HSDL2: variants seen among roughly 807,000 people sequenced by gnomAD.
The protein encoded by HSDL2 is hydroxysteroid dehydrogenase like 2.
Under a neutral mutation model 46.3 loss-of-function variants are expected in HSDL2, and 27 were observed. The ratio of observed to expected loss-of-function variants is 0.58; its 90% CI spans 0.43 to 0.80. The LOEUF is 0.80. HSDL2 is among the 30% of genes least tolerant of loss of function. The pLI is 0.00. For synonymous variants in HSDL2, 153 were observed against 163.6 expected (o/e 0.94, Z 0.50); for missense variants, 451 against 502.7 (o/e 0.90, Z 0.98).
chr9:112,418,803 A>T (rs1444489907), intron 5 of HSDL2, 57 bp from the exon 6 acceptor site: 2 of 991,796 alleles, frequency 2.0e-6, no homozygotes, highest in Non-Finnish European at 2.9e-6. Flanking sequence ...TCTACTCACA[A>T]GTTAATCAAA....
intron 4 of HSDL2, among the ~76,000 whole-genome samples, chr9:112,411,654 A>G (rs10732372): frequency 0.92 from 140,829 of 152,260 alleles, 65,262 homozygotes; most frequent in African/African-American, 0.98. Context: ...CAGCTTGGGC[A>G]GCAGAGTGAG....
chr9:112,444,569 C>T (rs1004726999), intron 8 of HSDL2, among the ~76,000 whole-genome samples: 1 of 152,064 alleles, frequency 6.6e-6, no homozygotes, highest in South Asian at 2.1e-4. Context: ...AAAACTTTGT[C>T]TCTACAAAAA....
intron 9 of HSDL2, among the ~76,000 whole-genome samples, chr9:112,454,980 G>GC (rs1465509006): frequency 1.3e-5 from 2 of 152,124 alleles, no homozygotes; most frequent in African/African-American, 4.8e-5. Flanking sequence ...TGCTGAGATT[G>GC]CAGGTGTGAG....
At chr9:112,459,006 C>G (rs201141687) in intron 9 of HSDL2, among the ~76,000 whole-genome samples, 1 of 151,928 alleles carries the variant, frequency 6.6e-6, no homozygotes. Flanking sequence ...AAAAAGAAAA[C>G]AAAAAACAAA....
At chr9:112,393,363 A>T (rs775441298) in intron 1 of HSDL2, among the ~76,000 whole-genome samples, 18 of 152,246 alleles carry the variant, frequency 1.2e-4, no homozygotes, top group African/African-American at 4.1e-4. Context: ...ATATGGTGTG[A>T]TACAGAAATC....
intron 1 of HSDL2, among the ~76,000 whole-genome samples, chr9:112,384,852 C>G (rs1301627921): frequency 6.6e-6 from 1 of 151,460 alleles, no homozygotes; most frequent in Non-Finnish European, 1.5e-5. Context: ...TGGCACTAAC[C>G]TGTGGCCTTG....
At chr9:112,405,489 A>C in intron 2 of HSDL2, 135 bp from the exon 3 acceptor site, 1 of 590,530 alleles carries the variant, frequency 1.7e-6, no homozygotes, top group Non-Finnish European at 2.9e-6. Context: ...TGGTAGAGTC[A>C]CTGGTGGTAA....
At chr9:112,448,855 C>T (rs1326999756) in intron 8 of HSDL2, among the ~76,000 whole-genome samples, 1 of 152,108 alleles carries the variant, frequency 6.6e-6, no homozygotes, top group Non-Finnish European at 1.5e-5. Flanking sequence ...CACACCCAGC[C>T]TCTCTCTGTG....
Position 112,470,596 on chromosome 9 carries a change from T to C in HSDL2, c.*52T>C, listed in dbSNP as rs529426604. 113 of 955,698 alleles carry C rather than the reference T, an allele frequency of 1.2e-4. No homozygotes were observed. The highest frequency in any genetic ancestry group is 1.7e-4 in the Non-Finnish European group (106 of 622,088). The allele number at this position is 955,698 out of a possible 1,614,324, so 59.2% of individuals were successfully genotyped here. On this transcript the variant is annotated 3_prime_UTR_variant, in exon 11 of 11. Transcript: ENST00000398805. Reference sequence around the variant, plus strand: ...GCTATGCTCAAAAAGTAAAAAAAGCTCAACAGTTAAAATCTAATGTTTGTT... The same window carrying C: ...GCTATGCTCAAAAAGTAAAAAAAGCCCAACAGTTAAAATCTAATGTTTGTT...
At chr9:112,389,121 G>A (rs2132596067) in intron 1 of HSDL2, among the ~76,000 whole-genome samples, 1 of 152,068 alleles carries the variant, frequency 6.6e-6, no homozygotes, top group East Asian at 1.9e-4. Flanking sequence ...TCAACCTTTG[G>A]GATCAAACAG....
At chr9:112,396,871 G>A (rs913736368) in intron 1 of HSDL2, among the ~76,000 whole-genome samples, 1 of 152,188 alleles carries the variant, frequency 6.6e-6, no homozygotes, top group Non-Finnish European at 1.5e-5. Context: ...AGGTAAGTTT[G>A]TGTGTGCTGG....
At chr9:112,430,921 G>A (rs771957509) in intron 6 of HSDL2, among the ~76,000 whole-genome samples, 3 of 151,820 alleles carry the variant, frequency 2.0e-5, no homozygotes, top group Non-Finnish European at 4.4e-5. Context: ...GCATGGTGAC[G>A]CGTGCCTGTA....
At chr9:112,460,309 G>T (rs1216494301) in intron 10 of HSDL2, among the ~76,000 whole-genome samples, 1 of 152,170 alleles carries the variant, frequency 6.6e-6, no homozygotes, top group African/African-American at 2.4e-5. Flanking sequence ...TGTATTCTGT[G>T]CCCTCTAAGT....
chr9:112,438,052 C>A (rs1002918479), intron 6 of HSDL2, among the ~76,000 whole-genome samples: 1 of 151,956 alleles, frequency 6.6e-6, no homozygotes, highest in African/African-American at 2.4e-5. Flanking sequence ...TCGAGACCAG[C>A]CAACATGGTG....
chr9:112,427,207 G>A (rs758229424), intron 6 of HSDL2, among the ~76,000 whole-genome samples: 4 of 151,956 alleles, frequency 2.6e-5, no homozygotes, highest in African/African-American at 4.8e-5. Context: ...GGCGCCCACC[G>A]CTGTGCCCGG....
Position 112,454,104 on chromosome 9 carries a change from C to T in HSDL2, c.957C>T (p.Asp319=). Residue 319 remains aspartate (D), a synonymous_variant, in exon 9 of 11, where the codon GAC becomes GAT. Transcript: ENST00000398805. The part of the protein sequence containing the change: ...AVEETFRIVK[D]SLSDDVVKAT... ...AAGAAACATTTAGAATTGTTAAGGA[C>T]TCTCTCAGTGATGATGTTGTTAAAG... The T allele has an allele frequency of 6.2e-7, 1 of 1,613,918 alleles. No homozygotes were observed. The highest frequency in any genetic ancestry group is 8.5e-7 in the Non-Finnish European group (1 of 1,179,844).
Position 112,471,349 on chromosome 9 carries a change from A to T in HSDL2, c.*805A>T, listed in dbSNP as rs540650619. On this transcript the variant is annotated 3_prime_UTR_variant, in exon 11 of 11. Transcript: ENST00000398805. Reference sequence around the variant, plus strand: ...CTGTTCGGAGATGAGGCCTTTAAAGAGGTGACTTAAGTTCAAAGGAGGCTG... The same window carrying T: ...CTGTTCGGAGATGAGGCCTTTAAAGTGGTGACTTAAGTTCAAAGGAGGCTG... 6.6e-6 allele frequency: 1 copy of T among 152,174 alleles called. No homozygotes were observed. Among genetic ancestry groups the T allele is most frequent in the Non-Finnish European group, 1.5e-5 (1 of 68,066 alleles). The allele number at this position is 152,174 out of a possible 1,614,324, so 9.4% of individuals were successfully genotyped here. A position where few individuals can be genotyped will look rare whatever the true frequency, so the allele number is the denominator to read the frequency against.
intron 6 of HSDL2, among the ~76,000 whole-genome samples, chr9:112,436,941 CTCTT>C (rs1832536924): frequency 6.8e-6 from 1 of 147,852 alleles, no homozygotes; most frequent in South Asian, 2.2e-4. Flanking sequence ...CCTTTTACTT[CTCTT>C]TCTTTTCTTT....
intron 6 of HSDL2, among the ~76,000 whole-genome samples, chr9:112,422,217 A>G (rs1347263231): frequency 6.6e-6 from 1 of 152,296 alleles, no homozygotes; most frequent in Middle Eastern, 3.4e-3. Context: ...CAAAAAACAA[A>G]CAAACAAACG....
Sources: allele counts gnomAD v4.1 joint callset (sites outside exome capture counted in the v4.1 genomes callset), GRCh38; gene constraint gnomAD v4.1.1; transcripts MANE v1.5; gene names NCBI Gene and HGNC (gene_info 2026-07-23, HGNC 2026-07-21).